Variants in LNPK observed in about 807,000 individuals in gnomAD.
LNPK encodes lunapark, ER junction formation factor.
Under a neutral mutation model 55.2 loss-of-function variants are expected in LNPK, and 29 were observed. The ratio of observed to expected loss-of-function variants is 0.53; its 90% confidence interval spans 0.39 to 0.72. LNPK has a LOEUF of 0.72. LNPK is among the 30% of genes least tolerant of loss of function. The pLI is 0.00. For synonymous variants in LNPK, 162 were observed against 168.2 expected (o/e 0.96, Z 0.29); for missense variants, 467 against 494.8 (o/e 0.94, Z 0.53).
intron 12 of LNPK, among the ~76,000 whole-genome samples, chr2:175,930,958 T>C (rs1312582975): frequency 2.0e-5 from 3 of 152,158 alleles, no homozygotes; most frequent in South Asian, 2.1e-4. Context: ...CTAAGTATTA[T>C]TGAATTCAAA....
chr2:175,986,460 T>C (rs562679695), intron 4 of LNPK, among the ~76,000 whole-genome samples: 78 of 152,210 alleles, frequency 5.1e-4, no homozygotes, highest in African/African-American at 1.8e-3. Flanking sequence ...TAAATCACTA[T>C]GTATCAAGAC....
intron 12 of LNPK, among the ~76,000 whole-genome samples, chr2:175,931,808 T>G (rs1684290801): frequency 6.6e-6 from 1 of 152,150 alleles, no homozygotes; most frequent in Non-Finnish European, 1.5e-5. Flanking sequence ...AAAGGGCAAA[T>G]GAAACTACAG....
chr2:175,985,722 A>C (rs1202633427), intron 4 of LNPK, among the ~76,000 whole-genome samples: 1 of 152,202 alleles, frequency 6.6e-6, no homozygotes, highest in Non-Finnish European at 1.5e-5. Context: ...ATAGGGATTT[A>C]ATTTATAAAT....
At chr2:175,957,364 A>G (rs1685745292) in intron 8 of LNPK, among the ~76,000 whole-genome samples, 2 of 151,964 alleles carry the variant, frequency 1.3e-5, no homozygotes, top group South Asian at 4.2e-4. Flanking sequence ...TCTCAAAAAA[A>G]GAAAACATCT....
In LNPK at chr2:175,926,700, C is replaced by T. The variant is rs1475763182; in HGVS notation, c.*3267G>A. 6.6e-6 allele frequency: 1 copy of T among 152,106 alleles called. No homozygotes were observed. The highest frequency in any genetic ancestry group is 6.6e-5 in the Admixed American group (1 of 15,256). 9.4% of individuals were successfully genotyped at this position (152,106 alleles called of 1,614,324 possible). A position where few individuals can be genotyped will look rare whatever the true frequency, so the allele number is the denominator to read the frequency against. Reference sequence around the variant, plus strand: ...ACAGAATAAGAATGCAAATGTTTATCATCATTATTAATGCAATGTGAACAG... The same window carrying T: ...ACAGAATAAGAATGCAAATGTTTATTATCATTATTAATGCAATGTGAACAG... On this transcript the variant is annotated 3_prime_UTR_variant, in exon 13 of 13. Coordinates refer to ENST00000272748, the MANE Select transcript of LNPK (RefSeq NM_030650.3).
chr2:175,989,498 T>C (rs1687590012), intron 4 of LNPK, among the ~76,000 whole-genome samples: 1 of 152,096 alleles, frequency 6.6e-6, no homozygotes, highest in Non-Finnish European at 1.5e-5. Context: ...GACTTTTACT[T>C]AGTTAACATA....
intron 12 of LNPK, chr2:175,932,078 T>G: frequency 2.3e-6 from 1 of 430,848 alleles, no homozygotes. Flanking sequence ...GAATCCAGGA[T>G]GTAACTCACC....
At chr2:175,930,720 T>C (rs1316630349) in intron 12 of LNPK, among the ~76,000 whole-genome samples, 1 of 152,002 alleles carries the variant, frequency 6.6e-6, no homozygotes. Context: ...CTGATATACA[T>C]CTCTATTATC....
At chr2:176,000,992 T>C (rs541428071) in intron 1 of LNPK, among the ~76,000 whole-genome samples, 1 of 152,338 alleles carries the variant, frequency 6.6e-6, no homozygotes, top group East Asian at 1.9e-4. Flanking sequence ...TGAAGTCATA[T>C]ATTTTTAATA....
rs560014228 is a variant in LNPK, at chr2:175,926,183, A to T, written c.*3784T>A. 6.6e-6 allele frequency: 1 copy of T among 152,290 alleles called. No homozygotes were observed. Among genetic ancestry groups the T allele is most frequent in the East Asian group, 1.9e-4 (1 of 5,184 alleles). 9.4% of individuals were successfully genotyped at this position (152,290 alleles called of 1,614,324 possible). A position where few individuals can be genotyped will look rare whatever the true frequency, so the allele number is the denominator to read the frequency against. On this transcript the variant is annotated 3_prime_UTR_variant, in exon 13 of 13. Coordinates refer to ENST00000272748, the MANE Select transcript of LNPK (RefSeq NM_030650.3). The stretch of plus-strand genomic sequence containing the variant: ...TCTTTTTCCACTTACCAGGTATACA[A>T]TTTTAAGCAAAGTTGCTTCCTGCTA...
At chr2:175,996,939 T>C (rs1687960094) in intron 1 of LNPK, among the ~76,000 whole-genome samples, 2 of 152,248 alleles carry the variant, frequency 1.3e-5, no homozygotes, top group Admixed American at 6.5e-5. Context: ...AGTTAGATAC[T>C]TGCCAATGTA....
At chr2:175,954,235 A>G (rs2105588224) in intron 8 of LNPK, among the ~76,000 whole-genome samples, 1 of 152,330 alleles carries the variant, frequency 6.6e-6, no homozygotes. Context: ...ACTGGTACAG[A>G]GTATGAGCTT....
intron 12 of LNPK, chr2:175,932,287 A>C: frequency 2.4e-6 from 1 of 421,688 alleles, no homozygotes; most frequent in South Asian, 1.7e-5. Context: ...GCCACAAAGA[A>C]ATGGTTAATA....
At chr2:175,994,914 ATTTTTTTTTT>A (rs35432943) in intron 2 of LNPK, among the ~76,000 whole-genome samples, 36 of 88,496 alleles carry the variant, frequency 4.1e-4, no homozygotes, top group Non-Finnish European at 4.4e-5. Context: ...CTTGTATAGA[ATTTTTTTTTT>A]TTTTTTTTTT....
chr2:175,964,069 A>T (rs1041141360), intron 8 of LNPK, among the ~76,000 whole-genome samples: 1 of 152,214 alleles, frequency 6.6e-6, no homozygotes, highest in African/African-American at 2.4e-5. Context: ...CCAAGAGACT[A>T]TTATTTGAAA....
chr2:175,967,920 G>T (rs567328783), intron 6 of LNPK, among the ~76,000 whole-genome samples: 175 of 152,258 alleles, frequency 1.1e-3, no homozygotes, highest in African/African-American at 3.8e-3. Context: ...AGCTAAAATT[G>T]CCAATTTAAA....
intron 4 of LNPK, among the ~76,000 whole-genome samples, chr2:175,988,164 T>C (rs1395632771): frequency 6.6e-6 from 1 of 152,076 alleles, no homozygotes; most frequent in East Asian, 1.9e-4. Flanking sequence ...ATAAGCCCTA[T>C]CCAATTTATC....
chr2:175,969,683 A>G (rs752048784), intron 6 of LNPK, among the ~76,000 whole-genome samples: 18 of 152,354 alleles, frequency 1.2e-4, no homozygotes, highest in Non-Finnish European at 2.1e-4. Context: ...TGACACCATC[A>G]GTATTTCCTC....
chr2:175,929,513 A>G lies in LNPK; in HGVS notation c.*454T>C. Reference sequence around the variant, plus strand: ...AAATAGACATTTCTCCCAGTTGTAAATATCTCAGGAGCTAAAATTCTATCA... The same window carrying G: ...AAATAGACATTTCTCCCAGTTGTAAGTATCTCAGGAGCTAAAATTCTATCA... On this transcript the variant is annotated 3_prime_UTR_variant, in exon 13 of 13. Coordinates refer to ENST00000272748, the MANE Select transcript of LNPK (RefSeq NM_030650.3). The G allele has an allele frequency of 1.2e-5, 12 of 994,252 alleles. No homozygotes were observed. Among genetic ancestry groups the G allele is most frequent in the Non-Finnish European group, 1.4e-5 (12 of 835,354 alleles). The allele number at this position is 994,252 out of a possible 1,614,324, so 61.6% of individuals were successfully genotyped here.
Sources: allele counts gnomAD v4.1 joint callset (sites outside exome capture counted in the v4.1 genomes callset), GRCh38; gene constraint gnomAD v4.1.1; transcripts MANE v1.5; gene names NCBI Gene and HGNC (gene_info 2026-07-23, HGNC 2026-07-21).